ZBBX: variants seen among roughly 807,000 people sequenced by gnomAD.
ZBBX encodes the protein zinc finger B-box domain-containing protein 1.
In ZBBX, 101 loss-of-function variants were observed where a neutral mutation model predicts 108.5. The observed-to-expected ratio is 0.93, with a 90% CI of 0.79 to 1.10. The LOEUF is 1.10. ZBBX is among the 50% of genes least tolerant of loss of function. The pLI is 0.00. For synonymous variants in ZBBX, 356 were observed against 323.4 expected (o/e 1.10, Z -1.08); for missense variants, 1,009 against 941.4 (o/e 1.07, Z -0.94).
chr3:167,400,022 T>G (rs1748371371), intron 1 of ZBBX, among the ~76,000 whole-genome samples: 1 of 152,196 alleles, frequency 6.6e-6, no homozygotes, highest in African/African-American at 2.4e-5. Flanking sequence ...ACCATGTTGC[T>G]GCAGAGGAAA....
At chr3:167,205,162 T>A in the ZBBX span, among the ~76,000 whole-genome samples, 3 of 152,092 alleles carry the variant, frequency 2.0e-5, no homozygotes, top group Non-Finnish European at 4.4e-5. Context: ...AGGGTGCAAT[T>A]TGACCCCTCA....
intron 4 of ZBBX, 28 bp downstream of exon 4, chr3:167,372,806 A>T (rs776224898): frequency 1.7e-6 from 2 of 1,182,964 alleles, no homozygotes; most frequent in South Asian, 2.7e-5. Flanking sequence ...AACTATTCCT[A>T]TTAAGAAATA....
chr3:167,251,925 A>AACACACACACACAC (rs3221849), intron 20 of ZBBX, among the ~76,000 whole-genome samples: 4,293 of 143,748 alleles, frequency 0.03, 120 homozygotes, highest in African/African-American at 0.06. Context: ...TTGTGCCTGC[A>AACACACACACACAC]ACACACACAC....
chr3:167,386,657 A>G (rs977827880), intron 1 of ZBBX, among the ~76,000 whole-genome samples: 2 of 152,072 alleles, frequency 1.3e-5, no homozygotes, highest in South Asian at 4.1e-4. Flanking sequence ...CCAGCAAACA[A>G]TTATTTATAA....
At chr3:167,367,989 CAT>C (rs1745589996) in intron 5 of ZBBX, among the ~76,000 whole-genome samples, 1 of 15,714 alleles carries the variant, frequency 6.4e-5, no homozygotes, top group Non-Finnish European at 2.1e-4. Context: ...TATATATATA[CAT>C]ATATATATGT....
rs150538985 is a variant in ZBBX at position 167,316,856 on chromosome 3, G to A, written c.1194+149C>T. The A allele has an allele frequency of 4.3e-3, 2,002 of 467,454 alleles. 30 individuals are homozygous for A. The highest frequency in any genetic ancestry group is 0.037 in the African/African-American group (1,834 of 49,410). The allele number at this position is 467,454 out of a possible 1,614,324, so 29.0% of individuals were successfully genotyped here. A position where few individuals can be genotyped will look rare whatever the true frequency, so the allele number is the denominator to read the frequency against. On this transcript the variant is annotated intron_variant, in intron 14 of 21. Transcript: ENST00000675490. Reference sequence around the variant, plus strand: ...GAATAATATTGTTTTATTCTTATAAGCATATTTAAACCCAAACACTTGTAA... The same window carrying A: ...GAATAATATTGTTTTATTCTTATAAACATATTTAAACCCAAACACTTGTAA...
At chr3:167,402,474 C>A (rs1486365724) in intron 1 of ZBBX, among the ~76,000 whole-genome samples, 1 of 151,980 alleles carries the variant, frequency 6.6e-6, no homozygotes, top group Non-Finnish European at 1.5e-5. Context: ...AATTTCTTGG[C>A]AAAAAGAAAA....
At chr3:167,185,726 C>T in the ZBBX span, among the ~76,000 whole-genome samples, 10 of 152,092 alleles carry the variant, frequency 6.6e-5, no homozygotes, top group South Asian at 4.1e-4. Flanking sequence ...TTTCCATGTA[C>T]GGCCTATATA....
chr3:167,383,241 A>G (rs1747804981), upstream of ZBBX, among the ~76,000 whole-genome samples: 1 of 152,082 alleles, frequency 6.6e-6, no homozygotes, highest in African/African-American at 2.4e-5. Flanking sequence ...TGGGCATTTC[A>G]AGGTAGCAAA....
downstream of ZBBX, among the ~76,000 whole-genome samples, chr3:167,236,331 T>C (rs1679688356): frequency 6.6e-6 from 1 of 151,776 alleles, no homozygotes; most frequent in Non-Finnish European, 1.5e-5. Flanking sequence ...TATGTCAACT[T>C]GCACCTAAAT....
chr3:167,234,470 G>A, the ZBBX span, among the ~76,000 whole-genome samples: 1 of 151,808 alleles, frequency 6.6e-6, no homozygotes, highest in African/African-American at 2.4e-5. Context: ...GAATAATGAG[G>A]AGGTCTCTGT....
chr3:167,307,865 A>C (rs1248007645), intron 16 of ZBBX, among the ~76,000 whole-genome samples: 1 of 152,208 alleles, frequency 6.6e-6, no homozygotes, highest in Admixed American at 6.6e-5. Flanking sequence ...AAAACCCTGG[A>C]AGACAATCTA....
intron 20 of ZBBX, among the ~76,000 whole-genome samples, chr3:167,256,634 A>C: frequency 9.0e-6 from 1 of 110,502 alleles, no homozygotes. Flanking sequence ...CTACCCTTTC[A>C]AGCCTCTGGT....
chr3:167,282,598 A>C, intron 19 of ZBBX, 103 bp from the exon 20 acceptor site: 2 of 981,138 alleles, frequency 2.0e-6, no homozygotes, highest in Non-Finnish European at 3.0e-6. Flanking sequence ...AGTTAAGTTC[A>C]TGTAACAGAG....
Position 167,350,480 on chromosome 3 carries a change from T to C in ZBBX, c.468A>G (p.Gly156=), listed in dbSNP as rs760087987. The change falls in exon 9 of 22, where the codon GGA becomes GGG. Residue 156 remains glycine (G), a synonymous_variant. Transcript: ENST00000675490. The part of the protein sequence containing the change: ...CLECGEDYCS[G]CFAKVHQKGA... ...CTTTCTGGTGAACTTTAGCAAAGCA[T>C]CCTGAACAATAATCTTCTCCACATT... The C allele has an allele frequency of 1.9e-6, 3 of 1,594,140 alleles. No individual in the cohort carries two copies. Among genetic ancestry groups the C allele is most frequent in the South Asian group, 2.3e-5 (2 of 87,416 alleles).
intron 12 of ZBBX, among the ~76,000 whole-genome samples, chr3:167,321,504 T>C (rs940764665): frequency 3.3e-5 from 5 of 151,982 alleles, no homozygotes; most frequent in African/African-American, 7.2e-5. Flanking sequence ...AGGCAAATTC[T>C]AGAGAGCTCC....
chr3:167,281,053 A>G (rs1395786934), intron 20 of ZBBX, among the ~76,000 whole-genome samples: 1 of 152,146 alleles, frequency 6.6e-6, no homozygotes, highest in Non-Finnish European at 1.5e-5. Context: ...GAACTGAACA[A>G]TGAGAACACA....
rs916862126 is a variant in ZBBX, at chr3:167,328,435, C to T, written c.688-319G>A. 9.2e-5 allele frequency among the ~76,000 whole-genome samples: 14 copies of T among 152,094 alleles called. No individual in the cohort carries two copies. In the East Asian group the frequency reaches 2.7e-3, roughly 29 times the overall value. ...GGTGCAATTGCCTTGTATCCATTCT[C>T]CCTACGCCTCCAATCTCCTACTCCC... On this transcript the variant is annotated intron_variant, in intron 10 of 21. Transcript: ENST00000675490.
At chr3:167,360,954 C>T (rs1267440254) in intron 6 of ZBBX, among the ~76,000 whole-genome samples, 1 of 151,636 alleles carries the variant, frequency 6.6e-6, no homozygotes, top group East Asian at 1.9e-4. Context: ...ATATCTAAAC[C>T]AGTTTTTGAA....
Sources: allele counts gnomAD v4.1 joint callset (sites outside exome capture counted in the v4.1 genomes callset), GRCh38; gene constraint gnomAD v4.1.1; transcripts MANE v1.5; gene names NCBI Gene and HGNC (gene_info 2026-07-23, HGNC 2026-07-21).